The following PRPF8 variants were observed in gnomAD, a reference collection of about 807,000 sequenced individuals.
The protein encoded by PRPF8 is pre-mRNA processing factor 8.
Under a neutral mutation model 285.9 loss-of-function variants are expected in PRPF8, and 64 were observed. That is an observed-to-expected ratio of 0.22 (90% CI 0.18 to 0.28). The LOEUF is 0.28. Among genes scored for constraint, PRPF8 ranks in the 10% least tolerant of loss-of-function variants. PRPF8 has a pLI of 1.00. For missense variants in PRPF8, 1,426 were observed against 3,026.7 expected (o/e 0.47, Z 12.41); for synonymous variants, 1,325 against 1,118.2 (o/e 1.18, Z -3.69).
Position 1,659,184 on chromosome 17 carries a change from C to G in PRPF8, c.5138+173G>C. On this transcript the variant is annotated intron_variant, in intron 32 of 42. Coordinates refer to ENST00000304992, the MANE Select transcript of PRPF8 (RefSeq NM_006445.4). This position sits in a 1 kb window ranked among gnomAD's most constrained non-coding sequence, Gnocchi z 5.1. Reference sequence around the variant, plus strand: ...GGGACTACAGGCGTGGACCACCACGCCCAGCTAATTTTTTGTATTTTGGTA... The same window carrying G: ...GGGACTACAGGCGTGGACCACCACGGCCAGCTAATTTTTTGTATTTTGGTA... 2.6e-6 allele frequency: 2 copies of G among 759,522 alleles called. No homozygotes were observed. Among genetic ancestry groups the G allele is most frequent in the Non-Finnish European group, 4.5e-6 (2 of 446,414 alleles). 47.0% of individuals were successfully genotyped at this position (759,522 alleles called of 1,614,324 possible).
At chr17:1,683,186 G>C (rs556768164) in intron 3 of PRPF8, 6 of 341,106 alleles carry the variant, frequency 1.8e-5, no homozygotes, top group Non-Finnish European at 3.4e-5. Flanking sequence ...TAGTAGAGAC[G>C]GGGTTTCACC....
Position 1,673,178 on chromosome 17 carries a change from G to A in PRPF8, c.3677C>T (p.Ala1226Val). The A allele has an allele frequency of 6.2e-7, 1 of 1,614,208 alleles. No homozygotes were observed. The highest frequency in any genetic ancestry group is 8.5e-7 in the Non-Finnish European group (1 of 1,180,034). ...LQNEVTKERT[A>V]QCFLRVDDES... ...ATCGTCCACACGCAGGAAACACTGA[G>A]CTGTGCGCTCCTTAGTAACCTAAAC... The change falls in exon 24 of 43, where the codon GCT becomes GTT. Residue 1226 changes from alanine to valine, a missense_variant. By Grantham distance (64) the Ala-to-Val change is moderately conservative. Transcript: ENST00000304992. The surrounding 1 kb of genome is among the most constrained non-coding windows in gnomAD (Gnocchi z 5.5).
At position 1,684,434 on chromosome 17, in the gene PRPF8, G is replaced by A. The variant is rs778497555; in HGVS notation, c.100+38C>T. On this transcript the variant is annotated intron_variant, in intron 2 of 42. Transcript: ENST00000304992. Reference sequence around the variant, plus strand: ...GCCTGCGCGCGCGCACACCCGCCCCGCCTCCGGCCCGCGCGCCGCTCCACA... The same window carrying A: ...GCCTGCGCGCGCGCACACCCGCCCCACCTCCGGCCCGCGCGCCGCTCCACA... 8.1e-6 allele frequency: 13 copies of A among 1,608,590 alleles called. No individual in the cohort carries two copies. The Middle Eastern group carries it at 5.0e-4, about 62-fold the overall frequency.
rs758977411 is a variant in PRPF8 at position 1,680,873 on chromosome 17, G to A, written c.993-42C>T. On this transcript the variant is annotated intron_variant, in intron 7 of 42. Coordinates refer to ENST00000304992, the MANE Select transcript of PRPF8 (RefSeq NM_006445.4). The stretch of plus-strand genomic sequence containing the variant: ...AGTCAGCCAAAGTTTTCCCGCCCTG[G>A]CCCAACCTAAACAGCAGCCTTCTCC... 28 of 1,614,032 alleles carry A rather than the reference G, an allele frequency of 1.7e-5. No homozygotes were observed. In the Admixed American group the frequency reaches 4.7e-4, roughly 27 times the overall value.
intron 24 of PRPF8, among the ~76,000 whole-genome samples, chr17:1,663,714 A>G (rs1380634783): frequency 4.6e-5 from 6 of 131,302 alleles, no homozygotes; most frequent in Non-Finnish European, 9.8e-5. Context: ...CCATCTCAAA[A>G]AAAAAAAAAA....
Position 1,661,785 on chromosome 17 carries a change from G to A in PRPF8, c.4028C>T (p.Ser1343Phe). 6.2e-7 allele frequency: 1 copy of A among 1,614,152 alleles called. No individual in the cohort carries two copies. The change falls in exon 26 of 43, where the codon TCC (serine) becomes TTC (phenylalanine). Residue 1343 changes from serine (S) to phenylalanine (F), a missense_variant. Transcript: ENST00000304992. This position sits in a 1 kb window ranked among gnomAD's most constrained non-coding sequence, Gnocchi z 7.3. ...VLIPQSDLRW[S>F]KQTDVGITHF... ...TGTGATACCTACATCTGTCTGTTTG[G>A]ACCACCTGTTTGGGTGTACAACCAA...
chr17:1,678,630 A>G lies in PRPF8; in HGVS notation c.1742T>C (p.Ile581Thr). The G allele has an allele frequency of 1.2e-6, 2 of 1,614,218 alleles. No homozygotes were observed. The highest frequency in any genetic ancestry group is 1.7e-6 in the Non-Finnish European group (2 of 1,180,038). The change falls in exon 13 of 43, where the codon ATA becomes ACA. Residue 581 changes from isoleucine (I) to threonine (T), a missense_variant. Around this residue, in one of 34 missense-constraint regions of PRPF8, gnomAD observed 69 missense variants for 134.7 expected, o/e 0.51. Transcript: ENST00000304992. ...AFQLADGLQYIFAHVGQLTGM... is the reference protein window; with the variant it reads ...AFQLADGLQYTFAHVGQLTGM... ...CGTCAACTGCCCAACATGGGCAAAT[A>G]TATACTGCAATCCATCTGCCAGCTG...
At chr17:1,660,255 G>A (rs940877557) in intron 30 of PRPF8, among the ~76,000 whole-genome samples, 177 bp downstream of exon 30, 2 of 145,408 alleles carry the variant, frequency 1.4e-5, no homozygotes, top group Non-Finnish European at 3.0e-5. Context: ...CTCTCCCTGC[G>A]ATTCCACCTG....
At chr17:1,669,551 AAC>A (rs1912193619) in intron 24 of PRPF8, among the ~76,000 whole-genome samples, 1 of 152,030 alleles carries the variant, frequency 6.6e-6, no homozygotes, top group African/African-American at 2.4e-5. Context: ...TCAACTGACA[AAC>A]AGATTGTCCT....
In PRPF8 at chr17:1,653,132, G is replaced by GT. The variant is rs1369798507; in HGVS notation, c.6369+409dup. 1 of 327,314 alleles carries GT rather than the reference G, an allele frequency of 3.1e-6. No homozygotes were observed. Among genetic ancestry groups the GT allele is most frequent in the East Asian group, 7.8e-5 (1 of 12,786 alleles). 20.3% of individuals were successfully genotyped at this position (327,314 alleles called of 1,614,324 possible). ...TTTTTGTATTTTTAGTAGAGACAGG[G>GT]TTTCACCATATTGGTCAGGCTGGTC... On this transcript the variant is annotated intron_variant, in intron 39 of 42. Transcript: ENST00000304992. The surrounding 1 kb of genome is among the most constrained non-coding windows in gnomAD (Gnocchi z 4.9).
intron 3 of PRPF8, among the ~76,000 whole-genome samples, 186 bp from the exon 4 acceptor site, chr17:1,682,479 T>G (rs1912983345): frequency 6.6e-6 from 1 of 152,112 alleles, no homozygotes; most frequent in South Asian, 2.1e-4. Flanking sequence ...CTTGCACCAC[T>G]CTTCTTAAAC....
intron 24 of PRPF8, among the ~76,000 whole-genome samples, chr17:1,672,555 T>A (rs1278496074): frequency 6.6e-6 from 1 of 152,222 alleles, no homozygotes; most frequent in Non-Finnish European, 1.5e-5. Context: ...AGTGCTGGGA[T>A]TACAGGCGTG....
intron 34 of PRPF8, 48 bp from the exon 35 acceptor site, chr17:1,656,809 A>C: frequency 6.9e-7 from 1 of 1,455,448 alleles, no homozygotes; most frequent in Non-Finnish European, 9.6e-7. Context: ...CTACCCTCCC[A>C]GATCAACTAG....
intron 37 of PRPF8, chr17:1,654,708 T>C (rs1911262707): frequency 1.2e-5 from 2 of 167,288 alleles, no homozygotes; most frequent in Non-Finnish European, 2.6e-5. Flanking sequence ...CATGGCTCAC[T>C]GCAGCCTCAA....
intron 39 of PRPF8, among the ~76,000 whole-genome samples, chr17:1,652,557 C>CT (rs1483277615): frequency 6.6e-6 from 1 of 151,960 alleles, no homozygotes; most frequent in Non-Finnish European, 1.5e-5. Context: ...CATCTTTTCT[C>CT]TTTTTTGAAG....
intron 2 of PRPF8, 71 bp downstream of exon 2, chr17:1,684,401 C>T (rs933788966): frequency 6.6e-6 from 10 of 1,510,634 alleles, no homozygotes; most frequent in South Asian, 3.4e-5. Flanking sequence ...CGGGGAGGGT[C>T]CCCACCCGCC....
intron 3 of PRPF8, 149 bp from the exon 4 acceptor site, chr17:1,682,442 A>T: frequency 1.1e-6 from 1 of 919,926 alleles, no homozygotes; most frequent in Non-Finnish European, 1.7e-6. Context: ...CTAACCAGAA[A>T]CCCTGCCTCT....
chr17:1,665,738 C>T (rs190230268), intron 24 of PRPF8, among the ~76,000 whole-genome samples: 497 of 149,626 alleles, frequency 3.3e-3, no homozygotes, highest in African/African-American at 0.011. Flanking sequence ...CCTAGCTACT[C>T]GGGAGACTGA....
rs756518988 is a variant in PRPF8, at chr17:1,673,203, C to T, written c.3658-6G>A. 1 of 1,614,044 alleles carries T rather than the reference C, an allele frequency of 6.2e-7. No individual in the cohort carries two copies. The highest frequency in any genetic ancestry group is 8.5e-7 in the Non-Finnish European group (1 of 1,179,908). ...GCTGTGCGCTCCTTAGTAACCTAAA[C>T]CACAAAGTCAAGGTTAACATGTCCG... On this transcript the variant is annotated splice_region_variant and splice_polypyrimidine_tract_variant and intron_variant, in intron 23 of 42. Coordinates refer to ENST00000304992, the MANE Select transcript of PRPF8 (RefSeq NM_006445.4). This position sits in a 1 kb window ranked among gnomAD's most constrained non-coding sequence, Gnocchi z 5.5.
Sources: allele counts gnomAD v4.1 joint callset (sites outside exome capture counted in the v4.1 genomes callset), GRCh38; gene constraint gnomAD v4.1.1; regional missense constraint gnomAD v4.1.1; non-coding constraint Gnocchi (gnomAD v3.1); transcripts MANE v1.5; gene names NCBI Gene and HGNC (gene_info 2026-07-23, HGNC 2026-07-21).